Variants in ERC1 observed in about 807,000 individuals in gnomAD.
The protein encoded by ERC1 is RAB6 interacting protein 2.
ERC1 carries 56 observed loss-of-function variants against 132.0 expected under a neutral mutation model. The ratio of observed to expected loss-of-function variants is 0.42; its 90% CI spans 0.34 to 0.53. The LOEUF (loss-of-function observed/expected upper bound fraction) is 0.53, where lower values mean the gene tolerates loss of function less well. Ranked by LOEUF, ERC1 falls within the 20% of genes least tolerant of loss-of-function variation. The probability of loss-of-function intolerance (pLI) is 0.03; values close to 1 mark genes in which losing one functional copy is unlikely to be tolerated. For synonymous variants in ERC1, 478 were observed against 476.1 expected (o/e 1.00, Z -0.05); for missense variants, 1,202 against 1,349.9 (o/e 0.89, Z 1.72).
At chr12:1,240,002 G>A (rs573932376) in intron 13 of ERC1, among the ~76,000 whole-genome samples, 28 of 152,236 alleles carry the variant, frequency 1.8e-4, no homozygotes, top group Admixed American at 6.5e-4. Flanking sequence ...AAATCACTGC[G>A]CTATAGCATC....
intron 2 of ERC1, among the ~76,000 whole-genome samples, chr12:1,043,062 T>C (rs1970525308): frequency 6.7e-6 from 1 of 150,324 alleles, no homozygotes; most frequent in Non-Finnish European, 1.5e-5. Context: ...TTTTTTTTTT[T>C]AGACAGAGCC....
At chr12:1,118,767 C>T (rs1388291909) in intron 7 of ERC1, among the ~76,000 whole-genome samples, 1 of 152,192 alleles carries the variant, frequency 6.6e-6, no homozygotes, top group Non-Finnish European at 1.5e-5. Context: ...ATAATTTGCT[C>T]TTAGTTGATT....
At chr12:1,014,010 T>C (rs1313497413) in intron 1 of ERC1, among the ~76,000 whole-genome samples, 1 of 145,050 alleles carries the variant, frequency 6.9e-6, no homozygotes, top group East Asian at 2.3e-4. Flanking sequence ...GCATAAGCCA[T>C]GTGCCTGGTG....
At chr12:1,389,800 C>G (rs2089784528) in intron 16 of ERC1, among the ~76,000 whole-genome samples, 1 of 152,110 alleles carries the variant, frequency 6.6e-6, no homozygotes, top group Admixed American at 6.6e-5. Flanking sequence ...GAATTCTGTC[C>G]AAATCCTATT....
chr12:1,391,779 T>C (rs1225168876), intron 16 of ERC1, among the ~76,000 whole-genome samples: 2 of 152,198 alleles, frequency 1.3e-5, no homozygotes, highest in Admixed American at 6.5e-5. Context: ...GCTGTCCCTT[T>C]CCTTTGGAGG....
At chr12:1,016,570 G>A (rs1173740215) in intron 1 of ERC1, among the ~76,000 whole-genome samples, 1 of 151,700 alleles carries the variant, frequency 6.6e-6, no homozygotes, top group African/African-American at 2.4e-5. Context: ...GTGGGGTGAG[G>A]CGAGACTGGG....
At chr12:1,195,377 C>T (rs1377317977) in intron 12 of ERC1, among the ~76,000 whole-genome samples, 1 of 152,190 alleles carries the variant, frequency 6.6e-6, no homozygotes, top group Non-Finnish European at 1.5e-5. Context: ...TAATTTTCTA[C>T]TTTCCCATTC....
At chr12:1,074,495 A>G (rs551248745) in intron 2 of ERC1, among the ~76,000 whole-genome samples, 1 of 152,034 alleles carries the variant, frequency 6.6e-6, no homozygotes, top group East Asian at 1.9e-4. Flanking sequence ...GGGTTTCACC[A>G]TGTTGGTCAA....
intron 8 of ERC1, among the ~76,000 whole-genome samples, chr12:1,170,750 A>G (rs1952970748): frequency 6.6e-6 from 1 of 152,210 alleles, no homozygotes; most frequent in African/African-American, 2.4e-5. Flanking sequence ...AGAGGCCCCT[A>G]GTTCCATGAT....
At chr12:1,392,867 G>T (rs946566593) in intron 16 of ERC1, among the ~76,000 whole-genome samples, 1 of 152,108 alleles carries the variant, frequency 6.6e-6, no homozygotes, top group Admixed American at 6.5e-5. Context: ...GTACAAAAAA[G>T]AAACTTTAGA....
chr12:1,469,410 T>C (rs752408106), intron 18 of ERC1, among the ~76,000 whole-genome samples: 6 of 152,322 alleles, frequency 3.9e-5, no homozygotes, highest in East Asian at 1.9e-4. Context: ...GAGCTCACTC[T>C]CTCCCTTGGC....
At chr12:1,243,643 G>T (rs964796853) in intron 13 of ERC1, among the ~76,000 whole-genome samples, 2 of 152,138 alleles carry the variant, frequency 1.3e-5, no homozygotes, top group African/African-American at 4.8e-5. Context: ...CTCAAGTAAG[G>T]CTCAGTTTTG....
chr12:1,283,097 G>C (rs954554310), intron 14 of ERC1, among the ~76,000 whole-genome samples: 2 of 152,164 alleles, frequency 1.3e-5, no homozygotes, highest in Non-Finnish European at 2.9e-5. Context: ...TAGGTCTGTG[G>C]TAAAGTCATA....
intron 17 of ERC1, among the ~76,000 whole-genome samples, chr12:1,439,267 TTC>T (rs1411901245): frequency 6.6e-6 from 1 of 152,158 alleles, no homozygotes; most frequent in Non-Finnish European, 1.5e-5. Context: ...CTGTAGAATC[TTC>T]TGTTACTATT....
At chr12:1,458,021 T>G (rs1160222340) in intron 18 of ERC1, among the ~76,000 whole-genome samples, 1 of 152,248 alleles carries the variant, frequency 6.6e-6, no homozygotes, top group Non-Finnish European at 1.5e-5. Flanking sequence ...CCAAAATGAC[T>G]GGCAGGACAA....
At chr12:1,443,981 A>T (rs1405098235) in intron 17 of ERC1, 1 of 152,248 alleles carries the variant, frequency 6.6e-6, no homozygotes. Context: ...ATATCGGATA[A>T]CCTCTGTGAA....
Position 1,289,855 on chromosome 12 carries a change from G to A in ERC1, c.2623G>A (p.Glu875Lys), listed in dbSNP as rs2079314800. The change falls in exon 15 of 19, where the codon GAG becomes AAG. Residue 875 changes from glutamate to lysine, a missense_variant. Glu to Lys is a moderately conservative substitution (Grantham distance 56). Transcript: ENST00000360905. ...SARTNAEKQVEELLMAMEKVK... is the reference protein window; with the variant it reads ...SARTNAEKQVKELLMAMEKVK... The stretch of plus-strand genomic sequence containing the variant: ...CTCTTTCCCATATTTATGATAGGTG[G>A]AGGAGTTACTGATGGCCATGGAGAA... The A allele has an allele frequency of 1.2e-6, 2 of 1,613,070 alleles. No individual in the cohort carries two copies. Among genetic ancestry groups the A allele is most frequent in the Non-Finnish European group, 1.7e-6 (2 of 1,179,106 alleles).
At position 1,495,321 on chromosome 12, in the gene ERC1, A is replaced by G. The variant is rs541114626; in HGVS notation, c.*5091A>G. 2 of 229,194 alleles carry G rather than the reference A, an allele frequency of 8.7e-6. No individual in the cohort carries two copies. The highest frequency in any genetic ancestry group is 8.6e-6 in the Non-Finnish European group (1 of 115,656). The allele number at this position is 229,194 out of a possible 1,614,324, so 14.2% of individuals were successfully genotyped here. ...AGTTCCTTCTGGCTTCAGGCCCTCAATTATTTCCCTTTGAGCTTTTTTAGA... is the reference window on the plus strand; with the variant it reads ...AGTTCCTTCTGGCTTCAGGCCCTCAGTTATTTCCCTTTGAGCTTTTTTAGA... On this transcript the variant is annotated 3_prime_UTR_variant, in exon 19 of 19. Transcript: ENST00000360905.
intron 14 of ERC1, among the ~76,000 whole-genome samples, chr12:1,277,441 G>T (rs1268833266): frequency 6.6e-6 from 1 of 152,156 alleles, no homozygotes; most frequent in Non-Finnish European, 1.5e-5. Flanking sequence ...TTGGAAATAG[G>T]TTCATAATAT....
Sources: gnomAD v4.1 joint callset for allele counts (sites outside exome capture counted in the v4.1 genomes callset) on GRCh38, gnomAD v4.1.1 for gene constraint, MANE v1.5 for transcripts, NCBI Gene and HGNC (gene_info 2026-07-23, HGNC 2026-07-21) for gene names.